Variants in ARHGAP19 observed in about 807,000 individuals in gnomAD.
The protein encoded by ARHGAP19 is Rho GTPase activating protein 19.
Under a neutral mutation model 60.9 loss-of-function variants are expected in ARHGAP19, and 48 were observed. The observed-to-expected ratio is 0.79, with a 90% CI of 0.62 to 1.00. ARHGAP19 has a LOEUF of 1.00. Ranked by LOEUF, ARHGAP19 falls within the 50% of genes least tolerant of loss-of-function variation. The pLI, the probability that ARHGAP19 is intolerant of heterozygous loss-of-function variation, is 0.00. For synonymous variants in ARHGAP19, 209 were observed against 215.5 expected (o/e 0.97, Z 0.27); for missense variants, 562 against 597.2 (o/e 0.94, Z 0.61).
In ARHGAP19 at chr10:97,266,067, T is replaced by C. The variant is rs1353880860; in HGVS notation, c.115A>G (p.Ile39Val). ...TCCACAAAAAAGTCAGGATTAAAGA[T>C]AATGGGCTGACCTCGAAGGGAAGAA... ...NDSSLRGQPI[I>V]FNPDFFVEKL... Residue 39 changes from isoleucine to valine, a missense_variant, in exon 2 of 12, where the codon ATC becomes GTC. Ile to Val is a conservative substitution (Grantham distance 29). Transcript: ENST00000358531. 6 of 1,614,186 alleles carry C rather than the reference T, an allele frequency of 3.7e-6. No individual in the cohort carries two copies. Among genetic ancestry groups the C allele is most frequent in the African/African-American group, 1.3e-5 (1 of 75,046 alleles).
At chr10:97,286,643 G>C (rs1843159255) in intron 1 of ARHGAP19, among the ~76,000 whole-genome samples, 1 of 152,126 alleles carries the variant, frequency 6.6e-6, no homozygotes, top group African/African-American at 2.4e-5. Flanking sequence ...CCATACCTAA[G>C]GTATATGTAA....
chr10:97,250,473 C>T (rs1842628123), intron 6 of ARHGAP19, among the ~76,000 whole-genome samples: 2 of 151,628 alleles, frequency 1.3e-5, no homozygotes, highest in South Asian at 4.2e-4. Context: ...CAACCTTTGC[C>T]TCCCGGGTTC....
At chr10:97,282,835 T>TAG (rs1843102759) in intron 1 of ARHGAP19, among the ~76,000 whole-genome samples, 1 of 126,680 alleles carries the variant, frequency 7.9e-6, no homozygotes, top group African/African-American at 3.0e-5. Context: ...GTAGTTTCTT[T>TAG]TTTCTTTTTT....
chr10:97,227,025 T>C (rs779926324), intron 11 of ARHGAP19, among the ~76,000 whole-genome samples: 1 of 152,158 alleles, frequency 6.6e-6, no homozygotes, highest in Non-Finnish European at 1.5e-5. Flanking sequence ...CCAGCATCGA[T>C]GGGGTAAAGG....
At chr10:97,252,349 G>A (rs1360154804) in intron 6 of ARHGAP19, among the ~76,000 whole-genome samples, 7 of 149,336 alleles carry the variant, frequency 4.7e-5, no homozygotes, top group African/African-American at 7.4e-5. Flanking sequence ...TAGCCCGGGC[G>A]CGGTGGCTCA....
In ARHGAP19 at chr10:97,272,131, C is replaced by CTTTTTT. The variant is rs35980234; in HGVS notation, c.57-6012_57-6007dup. ...TTATACACTTAGGTGGGAAATATGTCTTTTTTTTTTTTTTTTTTTTTTCAG... is the reference window on the plus strand; with the variant it reads ...TTATACACTTAGGTGGGAAATATGTCTTTTTTTTTTTTTTTTTTTTTTTTTTTTCAG... On this transcript the variant is annotated intron_variant, in intron 1 of 11. Transcript: ENST00000358531. Among the ~76,000 whole-genome samples the CTTTTTT allele has an allele frequency of 1.2e-3, 107 of 85,648 alleles. 8 individuals carry two copies. The highest frequency in any genetic ancestry group is 4.8e-3 in the African/African-American group (96 of 20,116). The allele number at this position is 85,648 out of a possible 152,430, so 56.2% of individuals were successfully genotyped here.
At chr10:97,267,793 T>G (rs888807685) in intron 1 of ARHGAP19, among the ~76,000 whole-genome samples, 2 of 152,196 alleles carry the variant, frequency 1.3e-5, no homozygotes, top group African/African-American at 4.8e-5. Context: ...GGGCACCAAG[T>G]CCAGGGACTG....
At chr10:97,273,484 C>CTTTTTTTTTTTT (rs11442502) in intron 1 of ARHGAP19, among the ~76,000 whole-genome samples, 1 of 92,498 alleles carries the variant, frequency 1.1e-5, no homozygotes, top group Non-Finnish European at 2.0e-5. Context: ...TTTCTGCTCT[C>CTTTTTTTTTTTT]TTTTTTTTTT....
intron 1 of ARHGAP19, among the ~76,000 whole-genome samples, chr10:97,288,508 G>A (rs1159910668): frequency 6.6e-6 from 1 of 151,566 alleles, no homozygotes; most frequent in Non-Finnish European, 1.5e-5. Context: ...TGAACTCGGG[G>A]GGGCAGAGGT....
rs537749373 is a variant in ARHGAP19 at position 97,250,477 on chromosome 10, C to T, written c.928-4140G>A. Among the ~76,000 whole-genome samples, 3 of 151,734 alleles carry T rather than the reference C, an allele frequency of 2.0e-5. No homozygotes were observed. In the South Asian group the frequency reaches 6.2e-4, roughly 32 times the overall value. Reference sequence around the variant, plus strand: ...TTGGCTCACCACAACCTTTGCCTCCCGGGTTCAAGTGATTCTCCTGCCTCA... The same window carrying T: ...TTGGCTCACCACAACCTTTGCCTCCTGGGTTCAAGTGATTCTCCTGCCTCA... On this transcript the variant is annotated intron_variant, in intron 6 of 11. Coordinates refer to ENST00000358531, the MANE Select transcript of ARHGAP19 (RefSeq NM_032900.6).
rs987327657 is a variant in ARHGAP19, at chr10:97,267,875, C to T, written c.57-1750G>A. ...GCCCACAACATCATTTTTCCTTGTA[C>T]GCCTCCAGGCCTGTGATGGGAGGTG... is the stretch of plus-strand genomic sequence containing the variant. On this transcript the variant is annotated intron_variant, in intron 1 of 11. Transcript: ENST00000358531. 4.6e-5 allele frequency among the ~76,000 whole-genome samples: 7 copies of T among 152,226 alleles called. No homozygotes were observed. The East Asian group carries it at 9.6e-4, about 21-fold the overall frequency.
At chr10:97,251,428 AG>A (rs1341801941) in intron 6 of ARHGAP19, among the ~76,000 whole-genome samples, 2 of 57,424 alleles carry the variant, frequency 3.5e-5, no homozygotes, top group African/African-American at 8.1e-5. Context: ...GGGGAAGGGA[AG>A]GGGAAGGGGA....
chr10:97,256,487 A>G (rs558525693), intron 5 of ARHGAP19, 83 bp from the exon 6 acceptor site: 40 of 1,027,154 alleles, frequency 3.9e-5, no homozygotes, highest in Non-Finnish European at 5.7e-5. Flanking sequence ...TTTCAAATGT[A>G]TGAAGTTTCT....
intron 1 of ARHGAP19, among the ~76,000 whole-genome samples, chr10:97,274,535 G>C (rs12355523): frequency 0.04 from 6,060 of 152,084 alleles, 201 homozygotes; most frequent in Non-Finnish European, 0.061. Flanking sequence ...ATGCGAAAAG[G>C]GGAGCATTTG....
At chr10:97,285,931 C>T (rs995510458) in intron 1 of ARHGAP19, among the ~76,000 whole-genome samples, 1 of 152,226 alleles carries the variant, frequency 6.6e-6, no homozygotes, top group East Asian at 1.9e-4. Flanking sequence ...ACAATATCTG[C>T]TTTGCTTTAT....
intron 1 of ARHGAP19, among the ~76,000 whole-genome samples, chr10:97,278,805 G>A (rs701821): frequency 0.38 from 35,700 of 92,798 alleles, 4,620 homozygotes; most frequent in Non-Finnish European, 0.48. Flanking sequence ...CAAAATTCAA[G>A]GCAGTTAAAA....
chr10:97,262,901 G>A (rs528061739), intron 4 of ARHGAP19, among the ~76,000 whole-genome samples: 54 of 152,246 alleles, frequency 3.5e-4, no homozygotes, highest in African/African-American at 1.1e-3. Flanking sequence ...AGATGGCTTT[G>A]GCCCAGGAGT....
intron 8 of ARHGAP19, among the ~76,000 whole-genome samples, chr10:97,240,360 A>G (rs780751455): frequency 2.8e-4 from 43 of 152,346 alleles, no homozygotes; most frequent in Non-Finnish European, 5.6e-4. Flanking sequence ...AATATTATAT[A>G]AACATTTAAG....
At chr10:97,239,316 AACC>A (rs895223388) in intron 8 of ARHGAP19, among the ~76,000 whole-genome samples, 2 of 152,092 alleles carry the variant, frequency 1.3e-5, no homozygotes, top group African/African-American at 4.8e-5. Flanking sequence ...AACATGGTGA[AACC>A]CCGTCTCTAC....
Sources: gnomAD v4.1 joint callset for allele counts (sites outside exome capture counted in the v4.1 genomes callset) on GRCh38, gnomAD v4.1.1 for gene constraint, MANE v1.5 for transcripts, NCBI Gene and HGNC (gene_info 2026-07-23, HGNC 2026-07-21) for gene names.